The following TOP6BL variants were observed in gnomAD, a reference collection of about 807,000 sequenced individuals.
TOP6BL encodes the protein TOP6B like initiator of meiotic double strand breaks.
chr11:66,799,396 A>G, the TOP6BL span, among the ~76,000 whole-genome samples: 1 of 151,126 alleles, frequency 6.6e-6, no homozygotes, highest in Admixed American at 6.6e-5. Context: ...AAAAAAAAAA[A>G]AAAGAATGTC....
At chr11:66,767,757 T>C in the TOP6BL span, among the ~76,000 whole-genome samples, 1 of 152,216 alleles carries the variant, frequency 6.6e-6, no homozygotes, top group Non-Finnish European at 1.5e-5. Flanking sequence ...CCCTATATGC[T>C]ACCCTTTTGG....
At chr11:66,748,623 G>T in the TOP6BL span, 1 of 890,770 alleles carries the variant, frequency 1.1e-6, no homozygotes, top group Non-Finnish European at 1.6e-6. Flanking sequence ...TTCCAGGATT[G>T]TTCCATAATT....
At chr11:66,748,131 A>T in the TOP6BL span, among the ~76,000 whole-genome samples, 15 of 152,252 alleles carry the variant, frequency 9.9e-5, no homozygotes, top group South Asian at 3.1e-3. Context: ...AAAGGAATTT[A>T]TTGTCTCAAT....
chr11:66,836,326 C>T, the TOP6BL span, among the ~76,000 whole-genome samples: 7 of 151,926 alleles, frequency 4.6e-5, no homozygotes, highest in Non-Finnish European at 7.4e-5. Context: ...ACACCATTCT[C>T]CTGCCTCAAG....
the TOP6BL span, among the ~76,000 whole-genome samples, chr11:66,809,550 C>G: frequency 6.6e-6 from 1 of 152,036 alleles, no homozygotes; most frequent in Admixed American, 6.6e-5. Context: ...GTCCAAAGAC[C>G]TCTTAAAATT....
chr11:66,829,213 C>A, the TOP6BL span, among the ~76,000 whole-genome samples: 1 of 151,778 alleles, frequency 6.6e-6, no homozygotes, highest in East Asian at 1.9e-4. Flanking sequence ...TGGTGAAATT[C>A]TGTCTCTACT....
chr11:66,777,079 A>G, the TOP6BL span, among the ~76,000 whole-genome samples: 1 of 149,572 alleles, frequency 6.7e-6, no homozygotes, highest in Admixed American at 6.7e-5. Context: ...ATCTATATCT[A>G]TATATATCTA....
At chr11:66,784,312 C>T in the TOP6BL span, among the ~76,000 whole-genome samples, 6 of 152,110 alleles carry the variant, frequency 3.9e-5, no homozygotes, top group African/African-American at 1.2e-4. Context: ...GGATTACAGG[C>T]GTGAGCCACT....
chr11:66,809,675 CAGAT>C, the TOP6BL span, among the ~76,000 whole-genome samples: 1 of 152,058 alleles, frequency 6.6e-6, no homozygotes, highest in African/African-American at 2.4e-5. Flanking sequence ...TTTTTAGCAT[CAGAT>C]AGAAGATATG....
At chr11:66,839,387 C>T in the TOP6BL span, among the ~76,000 whole-genome samples, 1 of 152,258 alleles carries the variant, frequency 6.6e-6, no homozygotes, top group Non-Finnish European at 1.5e-5. Flanking sequence ...CAAACCCAGG[C>T]AGCCTAGCTC....
the TOP6BL span, among the ~76,000 whole-genome samples, chr11:66,841,812 A>C: frequency 1.8e-4 from 27 of 151,948 alleles, no homozygotes; most frequent in Non-Finnish European, 3.4e-4. Flanking sequence ...AAAAAGTAAA[A>C]ATTTACATAG....
the TOP6BL span, among the ~76,000 whole-genome samples, chr11:66,823,404 T>C: frequency 6.6e-6 from 1 of 152,162 alleles, no homozygotes; most frequent in Non-Finnish European, 1.5e-5. Context: ...ACTGTGATGC[T>C]ACATAGTACC....
At chr11:66,793,875 G>A in the TOP6BL span, among the ~76,000 whole-genome samples, 3 of 152,070 alleles carry the variant, frequency 2.0e-5, no homozygotes, top group African/African-American at 7.2e-5. Flanking sequence ...GGAGGCCAAG[G>A]TGGGAGGACT....
the TOP6BL span, chr11:66,758,022 T>C: frequency 1.9e-6 from 1 of 520,722 alleles, no homozygotes; most frequent in South Asian, 8.3e-5. Context: ...TATTTCCCTG[T>C]CTGAAAGATG....
chr11:66,807,991 TGTTA>T, the TOP6BL span, among the ~76,000 whole-genome samples: 1 of 152,278 alleles, frequency 6.6e-6, no homozygotes, highest in African/African-American at 2.4e-5. Flanking sequence ...ATTTTAGATT[TGTTA>T]GTTCTAGATG....
At chr11:66,745,924 T>C in the TOP6BL span, among the ~76,000 whole-genome samples, 1 of 152,266 alleles carries the variant, frequency 6.6e-6, no homozygotes, top group Non-Finnish European at 1.5e-5. Context: ...GATTCTCCTG[T>C]CTCAGCCTCC....
At chr11:66,827,643 G>T in the TOP6BL span, among the ~76,000 whole-genome samples, 1 of 151,950 alleles carries the variant, frequency 6.6e-6, no homozygotes, top group African/African-American at 2.4e-5. Flanking sequence ...TGAACAGATG[G>T]ATCTTCTGGA....
chr11:66,823,785 C>A, the TOP6BL span, among the ~76,000 whole-genome samples: 2 of 152,060 alleles, frequency 1.3e-5, no homozygotes, highest in East Asian at 3.9e-4. Flanking sequence ...CCACTGCACT[C>A]CAGCCTGGGT....
chr11:66,821,120 C>T, the TOP6BL span, among the ~76,000 whole-genome samples: 2 of 152,144 alleles, frequency 1.3e-5, no homozygotes, highest in South Asian at 2.1e-4. Flanking sequence ...TCGGATTCCT[C>T]AGAAACCAGT....
Sources: allele counts gnomAD v4.1 joint callset (sites outside exome capture counted in the v4.1 genomes callset), GRCh38; gene constraint gnomAD v4.1.1; transcripts MANE v1.5; gene names NCBI Gene and HGNC (gene_info 2026-07-23, HGNC 2026-07-21).